The following VPS26A variants were observed in gnomAD, a reference collection of about 807,000 sequenced individuals.
VPS26A encodes the protein vacuolar protein sorting-associated protein 26A.
In VPS26A, 22 loss-of-function variants were observed where a neutral mutation model predicts 42.4. The ratio of observed to expected loss-of-function variants is 0.52; its 90% CI spans 0.37 to 0.74. The LOEUF (loss-of-function observed/expected upper bound fraction) is 0.74, where lower values mean the gene tolerates loss of function less well. Among genes scored for constraint, VPS26A ranks in the 30% least tolerant of loss-of-function variants. The pLI is 0.00. For missense variants in VPS26A, 276 were observed against 379.2 expected, an observed-to-expected ratio of 0.73 and a Z score of 2.26; for synonymous variants, 110 against 123.5, an observed-to-expected ratio of 0.89 and a Z score of 0.73.
intron 8 of VPS26A, among the ~76,000 whole-genome samples, chr10:69,170,815 G>A (rs1454941856): frequency 6.6e-6 from 1 of 152,216 alleles, no homozygotes; most frequent in Non-Finnish European, 1.5e-5. Context: ...TCTTGCCTCT[G>A]AGGAAGCTGT....
intron 5 of VPS26A, chr10:69,161,774 G>T: frequency 3.0e-6 from 1 of 334,640 alleles, no homozygotes. Context: ...TGAGCTTGGT[G>T]CCTGTCTAAG....
chr10:69,141,504 G>A (rs954457316), intron 2 of VPS26A, among the ~76,000 whole-genome samples: 3 of 152,082 alleles, frequency 2.0e-5, no homozygotes, highest in South Asian at 2.1e-4. Flanking sequence ...AGTCTTGTTC[G>A]TACCTCACCC....
At chr10:69,167,158 GGTGGCTCAC>G (rs1408929291) in intron 7 of VPS26A, among the ~76,000 whole-genome samples, 1 of 150,878 alleles carries the variant, frequency 6.6e-6, no homozygotes, top group African/African-American at 2.4e-5. Context: ...GGCCGGGCGT[GGTGGCTCAC>G]GCCTGTAATC....
intron 1 of VPS26A, among the ~76,000 whole-genome samples, chr10:69,125,583 AT>A (rs1451455870): frequency 6.6e-6 from 1 of 152,160 alleles, no homozygotes; most frequent in African/African-American, 2.4e-5. Context: ...AGGTCCTCCT[AT>A]TTTTTGCTTA....
At chr10:69,156,297 C>G (rs1328115215) in intron 3 of VPS26A, among the ~76,000 whole-genome samples, 2 of 151,656 alleles carry the variant, frequency 1.3e-5, no homozygotes, top group South Asian at 4.1e-4. Context: ...ACACACAATT[C>G]CATGTGAGAA....
At chr10:69,166,701 TATG>T (rs1392434427) in intron 7 of VPS26A, among the ~76,000 whole-genome samples, 2 of 152,242 alleles carry the variant, frequency 1.3e-5, no homozygotes, top group Non-Finnish European at 2.9e-5. Context: ...TTGTGTCCCT[TATG>T]ATGCATGTAT....
chr10:69,125,780 GAGTC>G (rs1448529644), intron 1 of VPS26A, among the ~76,000 whole-genome samples: 2 of 152,144 alleles, frequency 1.3e-5, no homozygotes, highest in Admixed American at 1.3e-4. Context: ...TGAATTTTGA[GAGTC>G]AGCCTTCCAC....
chr10:69,171,316 G>A lies in VPS26A; in HGVS notation c.*47G>A, dbSNP rs1214363440. The A allele has an allele frequency of 1.3e-6, 2 of 1,555,198 alleles. No homozygotes were observed. The highest frequency in any genetic ancestry group is 1.8e-6 in the Non-Finnish European group (2 of 1,141,756). On this transcript the variant is annotated 3_prime_UTR_variant, in exon 9 of 9. Transcript: ENST00000263559. ...AAAGCAAAAAACTCCTGTAACCCTT[G>A]AGATTAAGTTCAGCAGGTTAAAGAT... is the stretch of plus-strand genomic sequence containing the variant.
chr10:69,135,142 T>C (rs1840876266), intron 2 of VPS26A, among the ~76,000 whole-genome samples: 1 of 152,220 alleles, frequency 6.6e-6, no homozygotes, highest in African/African-American at 2.4e-5. Context: ...AGATATGACA[T>C]GTAAATATCT....
chr10:69,159,623 T>C (rs1177157585), intron 5 of VPS26A, among the ~76,000 whole-genome samples: 1 of 152,170 alleles, frequency 6.6e-6, no homozygotes, highest in Non-Finnish European at 1.5e-5. Context: ...CTTATTTAAA[T>C]GTTATATGAC....
intron 2 of VPS26A, chr10:69,133,580 C>T: frequency 7.8e-7 from 1 of 1,289,684 alleles, no homozygotes; most frequent in Admixed American, 2.3e-5. Context: ...TATGCATGGT[C>T]AGATATGTTT....
rs1464301902 is a variant in VPS26A at position 69,133,602 on chromosome 10, T to TATA, written c.153+557_153+559dup. 3 of 1,289,606 alleles carry TATA rather than the reference T, an allele frequency of 2.3e-6. No homozygotes were observed. In the African/African-American group the frequency reaches 4.6e-5, roughly 20 times the overall value. 79.9% of individuals were successfully genotyped at this position (1,289,606 alleles called of 1,614,324 possible). On this transcript the variant is annotated intron_variant, in intron 2 of 8. Coordinates refer to ENST00000263559, the MANE Select transcript of VPS26A (RefSeq NM_004896.5). Reference sequence around the variant, plus strand: ...GGTCAGATATGTTTATGACGCCTTCTATAAGGTTTCACTTTTTTCCCCTTT... The same window carrying TATA: ...GGTCAGATATGTTTATGACGCCTTCTATAATAAGGTTTCACTTTTTTCCCCTTT...
Position 69,152,608 on chromosome 10 carries a change from T to G in VPS26A, c.154-3204T>G, listed in dbSNP as rs564181849. ...GGACCTCTTTTTCTTGTTCCTTGATTTCTGTTATCTTTTGAGAAACATTAT... is the reference window on the plus strand; with the variant it reads ...GGACCTCTTTTTCTTGTTCCTTGATGTCTGTTATCTTTTGAGAAACATTAT... On this transcript the variant is annotated intron_variant, in intron 2 of 8. Coordinates refer to ENST00000263559, the MANE Select transcript of VPS26A (RefSeq NM_004896.5). Among the ~76,000 whole-genome samples, 390 of 152,328 alleles carry G rather than the reference T, an allele frequency of 2.6e-3. 1 individual carries two copies. The highest frequency in any genetic ancestry group is 0.024 in the Middle Eastern group (7 of 294).
Position 69,162,490 on chromosome 10 carries a change from C to A in VPS26A, c.636C>A (p.Ile212=). The stretch of plus-strand genomic sequence containing the variant: ...TACAACATATGGAGTTACAGCTGAT[C>A]AAAAAAGAGATCACAGGAATTGGTA... ...IKIQHMELQL[I]KKEITGIGPS... The change falls in exon 6 of 9, where the codon ATC becomes ATA. Residue 212 remains isoleucine (I), a synonymous_variant. Coordinates refer to ENST00000263559, the MANE Select transcript of VPS26A (RefSeq NM_004896.5). 6.4e-7 allele frequency: 1 copy of A among 1,551,554 alleles called. No homozygotes were observed. The highest frequency in any genetic ancestry group is 2.3e-5 in the East Asian group (1 of 43,888).
At chr10:69,137,482 GCTGT>G (rs1490720998) in intron 2 of VPS26A, among the ~76,000 whole-genome samples, 3 of 152,160 alleles carry the variant, frequency 2.0e-5, no homozygotes, top group Non-Finnish European at 2.9e-5. Flanking sequence ...TGTGCAGTAG[GCTGT>G]CTGTTCCTAT....
chr10:69,165,454 A>ATT (rs1474711869), intron 6 of VPS26A, among the ~76,000 whole-genome samples: 1 of 152,082 alleles, frequency 6.6e-6, no homozygotes, highest in African/African-American at 2.4e-5. Flanking sequence ...AATTTAAGTG[A>ATT]TTTTAAAATC....
At chr10:69,125,178 G>T (rs1267889229) in intron 1 of VPS26A, among the ~76,000 whole-genome samples, 1 of 152,102 alleles carries the variant, frequency 6.6e-6, no homozygotes, top group African/African-American at 2.4e-5. Context: ...TGATTCAATA[G>T]ACTGCTTGAG....
intron 5 of VPS26A, chr10:69,161,565 G>C (rs112256752): frequency 3.0e-5 from 7 of 233,438 alleles, no homozygotes; most frequent in African/African-American, 1.4e-4. Flanking sequence ...TGACATCCTG[G>C]CCTGAGACTC....
At chr10:69,134,862 G>A (rs1168954410) in intron 2 of VPS26A, among the ~76,000 whole-genome samples, 1 of 152,116 alleles carries the variant, frequency 6.6e-6, no homozygotes, top group Non-Finnish European at 1.5e-5. Flanking sequence ...GGAGGCCGAG[G>A]AGGGAGGATC....
Sources: gnomAD v4.1 joint callset for allele counts (sites outside exome capture counted in the v4.1 genomes callset) on GRCh38, gnomAD v4.1.1 for gene constraint, MANE v1.5 for transcripts, NCBI Gene and HGNC (gene_info 2026-07-23, HGNC 2026-07-21) for gene names.